The following VAV3 variants were observed in gnomAD, a reference collection of about 807,000 sequenced individuals.
The protein encoded by VAV3 is guanine nucleotide exchange factor VAV3.
Under a neutral mutation model 131.2 loss-of-function variants are expected in VAV3, and 94 were observed. That is an observed-to-expected ratio of 0.72 (90% CI 0.61 to 0.85). VAV3 has a LOEUF of 0.85. VAV3 is among the 40% of genes least tolerant of loss of function. The pLI is 0.00. For synonymous variants in VAV3, 349 were observed against 342.0 expected, an observed-to-expected ratio of 1.02 and a Z score of -0.22; for missense variants, 939 against 1,002.7, an observed-to-expected ratio of 0.94 and a Z score of 0.86.
intron 2 of VAV3, among the ~76,000 whole-genome samples, chr1:107,860,078 A>G (rs1240898566): frequency 6.6e-6 from 1 of 152,188 alleles, no homozygotes; most frequent in Non-Finnish European, 1.5e-5. Flanking sequence ...ATAGCGGTAT[A>G]TAAGTATTTA....
intron 2 of VAV3, among the ~76,000 whole-genome samples, chr1:107,818,735 T>C (rs1182479171): frequency 6.6e-6 from 1 of 152,224 alleles, no homozygotes; most frequent in South Asian, 2.1e-4. Context: ...GTAGTAAAAA[T>C]ATAAACCAAT....
intron 20 of VAV3, among the ~76,000 whole-genome samples, chr1:107,641,803 G>C (rs1419900921): frequency 1.3e-5 from 2 of 151,898 alleles, no homozygotes; most frequent in East Asian, 3.9e-4. Flanking sequence ...AGAGGTCCTC[G>C]GTTTGGAAAA....
intron 24 of VAV3, among the ~76,000 whole-genome samples, chr1:107,599,402 A>T (rs1227858901): frequency 6.6e-6 from 1 of 152,206 alleles, no homozygotes; most frequent in East Asian, 1.9e-4. Flanking sequence ...AGAAATCGCT[A>T]AGCTTTCCTT....
At chr1:107,715,628 T>C (rs1460306833) in intron 15 of VAV3, among the ~76,000 whole-genome samples, 1 of 152,212 alleles carries the variant, frequency 6.6e-6, no homozygotes, top group Non-Finnish European at 1.5e-5. Flanking sequence ...CTCCAGTTAA[T>C]TTGAACTATC....
Position 107,665,812 on chromosome 1 carries a change from G to A in VAV3, c.1777+17676C>T, listed in dbSNP as rs1421961782. Reference sequence around the variant, plus strand: ...AGTATTGCTGCATACCTACTAGGTCGTCTCCTGGTTGCAAAATCACACAGC... The same window carrying A: ...AGTATTGCTGCATACCTACTAGGTCATCTCCTGGTTGCAAAATCACACAGC... On this transcript the variant is annotated intron_variant, in intron 19 of 26. Transcript: ENST00000370056. Among the ~76,000 whole-genome samples, 6 of 152,110 alleles carry A rather than the reference G, an allele frequency of 3.9e-5. No individual in the cohort carries two copies. In the South Asian group the frequency reaches 6.2e-4, roughly 16 times the overall value.
intron 19 of VAV3, among the ~76,000 whole-genome samples, chr1:107,651,959 T>G (rs1656206727): frequency 6.6e-6 from 1 of 152,006 alleles, no homozygotes; most frequent in Admixed American, 6.6e-5. Context: ...TTTCTTAGGG[T>G]TCCTTAAATA....
chr1:107,869,371 C>A lies in VAV3; in HGVS notation c.321+5530G>T, dbSNP rs80163255. Among the ~76,000 whole-genome samples the A allele has an allele frequency of 9.7e-4, 147 of 152,222 alleles. 3 individuals carry two copies. In the East Asian group the frequency reaches 0.026, roughly 27 times the overall value. On this transcript the variant is annotated intron_variant, in intron 2 of 26. Coordinates refer to ENST00000370056, the MANE Select transcript of VAV3 (RefSeq NM_006113.5). Reference sequence around the variant, plus strand: ...ATCATTAGTTCTCTTGCACTTAATTCAAAATTCGACACCTATGTTTACCAA... The same window carrying A: ...ATCATTAGTTCTCTTGCACTTAATTAAAAATTCGACACCTATGTTTACCAA...
At chr1:107,876,220 C>T (rs1042269592) in intron 1 of VAV3, among the ~76,000 whole-genome samples, 4 of 152,076 alleles carry the variant, frequency 2.6e-5, no homozygotes, top group Non-Finnish European at 4.4e-5. Context: ...TTTAGACCAA[C>T]GGATTGGTCA....
chr1:107,763,570 C>T (rs2102144682), intron 9 of VAV3, among the ~76,000 whole-genome samples: 1 of 152,258 alleles, frequency 6.6e-6, no homozygotes, highest in South Asian at 2.1e-4. Context: ...GCTCCCAGCT[C>T]TACACTTAGG....
chr1:107,855,206 T>C (rs1161867819), intron 2 of VAV3, among the ~76,000 whole-genome samples: 1 of 152,202 alleles, frequency 6.6e-6, no homozygotes, highest in Non-Finnish European at 1.5e-5. Context: ...AGAAATGGGT[T>C]TGGTGAACAG....
intron 19 of VAV3, among the ~76,000 whole-genome samples, chr1:107,671,872 T>A (rs1398952055): frequency 2.0e-5 from 3 of 152,238 alleles, no homozygotes; most frequent in Non-Finnish European, 4.4e-5. Flanking sequence ...TATTGTGACA[T>A]GCTTTGCACA....
chr1:107,863,846 A>G (rs546990843), intron 2 of VAV3, among the ~76,000 whole-genome samples: 102 of 152,304 alleles, frequency 6.7e-4, no homozygotes, highest in South Asian at 5.8e-3. Flanking sequence ...CCAGATTTCC[A>G]GTTTTGGAAA....
chr1:107,663,049 T>A (rs1421951818), intron 19 of VAV3, among the ~76,000 whole-genome samples: 1 of 152,206 alleles, frequency 6.6e-6, no homozygotes, highest in Non-Finnish European at 1.5e-5. Context: ...AATTTATGTT[T>A]TAAGAATATA....
At chr1:107,900,782 T>C (rs78339294) in intron 1 of VAV3, among the ~76,000 whole-genome samples, 4,920 of 141,550 alleles carry the variant, frequency 0.035, 198 homozygotes, top group African/African-American at 0.1. Context: ...ATAGGGACTT[T>C]GTGGTCTCTG....
At chr1:107,838,819 G>A (rs187362746) in intron 2 of VAV3, among the ~76,000 whole-genome samples, 57 of 152,214 alleles carry the variant, frequency 3.7e-4, no homozygotes, top group African/African-American at 1.2e-3. Context: ...GTGCTGGAGC[G>A]TATTAGCCTA....
At chr1:107,889,908 T>C (rs946411490) in intron 1 of VAV3, among the ~76,000 whole-genome samples, 3 of 152,176 alleles carry the variant, frequency 2.0e-5, no homozygotes, top group East Asian at 1.9e-4. Flanking sequence ...CTGTGAACAT[T>C]TGTCTCAAAG....
chr1:107,777,046 A>G (rs567246815), intron 4 of VAV3, among the ~76,000 whole-genome samples, 185 bp downstream of exon 4: 2 of 152,340 alleles, frequency 1.3e-5, no homozygotes, highest in East Asian at 1.9e-4. Context: ...TGGGGACACA[A>G]AACAGGAACT....
intron 2 of VAV3, among the ~76,000 whole-genome samples, chr1:107,855,542 T>C (rs527548148): frequency 9.2e-5 from 14 of 152,206 alleles, no homozygotes; most frequent in Middle Eastern, 3.4e-3. Context: ...CCTCCCAAAG[T>C]GCTAAGATTA....
chr1:107,919,614 G>A (rs1296935782), intron 1 of VAV3, among the ~76,000 whole-genome samples: 3 of 151,960 alleles, frequency 2.0e-5, no homozygotes, highest in East Asian at 1.9e-4. Flanking sequence ...ATAGAGAGGG[G>A]AATATATATA....
Sources: gnomAD v4.1 joint callset for allele counts (sites outside exome capture counted in the v4.1 genomes callset) on GRCh38, gnomAD v4.1.1 for gene constraint, MANE v1.5 for transcripts, NCBI Gene and HGNC (gene_info 2026-07-23, HGNC 2026-07-21) for gene names.